SLC17A3: variants seen among roughly 807,000 people sequenced by gnomAD.
SLC17A3 encodes solute carrier family 17 member 3.
SLC17A3 carries 61 observed loss-of-function variants against 60.3 expected under a neutral mutation model. The observed-to-expected ratio is 1.01, with a 90% CI of 0.82 to 1.25. The LOEUF (loss-of-function observed/expected upper bound fraction) is 1.25. SLC17A3 is among the 50% of genes most tolerant of loss of function. The pLI, the probability that SLC17A3 is intolerant of heterozygous loss-of-function variation, is 0.00. For synonymous variants in SLC17A3, 192 were observed against 208.9 expected (o/e 0.92, Z 0.70); for missense variants, 624 against 594.9 (o/e 1.05, Z -0.51).
chr6:25,867,833 C>G (rs931644518), intron 2 of SLC17A3, among the ~76,000 whole-genome samples: 2 of 151,758 alleles, frequency 1.3e-5, no homozygotes, highest in African/African-American at 2.4e-5. Flanking sequence ...AAATATACAA[C>G]ACAATACATA....
intron 1 of SLC17A3, among the ~76,000 whole-genome samples, chr6:25,873,957 A>G (rs1561862813): frequency 6.6e-6 from 1 of 152,122 alleles, no homozygotes; most frequent in Non-Finnish European, 1.5e-5. Flanking sequence ...AGCTAGTTTC[A>G]AAGCATATGG....
At chr6:25,857,327 T>C (rs1334017836) in intron 5 of SLC17A3, among the ~76,000 whole-genome samples, 2 of 152,208 alleles carry the variant, frequency 1.3e-5, no homozygotes, top group Non-Finnish European at 2.9e-5. Flanking sequence ...TCTTTTTATC[T>C]TTGTTTCTTT....
chr6:25,852,180 A>C (rs893178884), intron 6 of SLC17A3, among the ~76,000 whole-genome samples: 3 of 151,846 alleles, frequency 2.0e-5, no homozygotes, highest in Non-Finnish European at 4.4e-5. Context: ...TCTCTCTTGC[A>C]CTGCTTCTAA....
chr6:25,845,247 T>C lies in SLC17A3; in HGVS notation c.*54A>G. On this transcript the variant is annotated 3_prime_UTR_variant, in exon 13 of 13. Coordinates refer to ENST00000397060, the MANE Select transcript of SLC17A3 (RefSeq NM_001098486.2). ...ACTGGTATTTTCATCACGGAAGCCT[T>C]CTATTTTATGCAATACGGTGCCTAA... 2.0e-6 allele frequency: 2 copies of C among 1,017,434 alleles called. No homozygotes were observed. Among genetic ancestry groups the C allele is most frequent in the Non-Finnish European group, 3.0e-6 (2 of 673,504 alleles). 63.0% of individuals were successfully genotyped at this position (1,017,434 alleles called of 1,614,324 possible). A position where few individuals can be genotyped will look rare whatever the true frequency, so the allele number is the denominator to read the frequency against.
At chr6:25,847,568 G>C (rs1461206066) in intron 11 of SLC17A3, among the ~76,000 whole-genome samples, 1 of 152,020 alleles carries the variant, frequency 6.6e-6, no homozygotes, top group African/African-American at 2.4e-5. Flanking sequence ...AACCTCTCCA[G>C]CATTTGTTAT....
chr6:25,852,786 T>C (rs1253585032), intron 6 of SLC17A3, among the ~76,000 whole-genome samples: 1 of 152,216 alleles, frequency 6.6e-6, no homozygotes, highest in Non-Finnish European at 1.5e-5. Flanking sequence ...CTCTGTCAGC[T>C]CTGGGTTAGT....
At chr6:25,873,199 T>C (rs544237512) in intron 1 of SLC17A3, among the ~76,000 whole-genome samples, 1 of 152,232 alleles carries the variant, frequency 6.6e-6, no homozygotes, top group South Asian at 2.1e-4. Flanking sequence ...CATTATCTTC[T>C]CTTAAATGTG....
At chr6:25,850,275 A>G in intron 8 of SLC17A3, 98 bp from the exon 9 acceptor site, 1 of 1,435,554 alleles carries the variant, frequency 7.0e-7, no homozygotes, top group Non-Finnish European at 9.6e-7. Context: ...TTCTGAAATC[A>G]TACTTTCTTA....
At chr6:25,858,597 T>C (rs751714933) in intron 5 of SLC17A3, among the ~76,000 whole-genome samples, 77 of 152,294 alleles carry the variant, frequency 5.1e-4, no homozygotes, top group Non-Finnish European at 2.9e-4. Flanking sequence ...AGCTATTCCC[T>C]TGATTTTCTC....
At chr6:25,871,978 C>T (rs571327445) in intron 1 of SLC17A3, among the ~76,000 whole-genome samples, 11 of 152,016 alleles carry the variant, frequency 7.2e-5, no homozygotes, top group African/African-American at 2.7e-4. Context: ...GAATAGTGCA[C>T]AGTAGGGCAA....
chr6:25,850,421 T>C (rs1354375185), intron 8 of SLC17A3, 38 bp downstream of exon 8: 1 of 1,603,316 alleles, frequency 6.2e-7, no homozygotes, highest in Non-Finnish European at 8.5e-7. Context: ...TGGTCAGCCA[T>C]GCAAGCAGGA....
At chr6:25,856,287 A>G (rs1005310924) in intron 5 of SLC17A3, among the ~76,000 whole-genome samples, 6 of 152,008 alleles carry the variant, frequency 3.9e-5, no homozygotes, top group Non-Finnish European at 8.8e-5. Context: ...CTGGAGATTT[A>G]TTACAATGGT....
intron 5 of SLC17A3, among the ~76,000 whole-genome samples, chr6:25,856,931 C>G (rs1199126332): frequency 6.6e-6 from 1 of 151,588 alleles, no homozygotes; most frequent in Admixed American, 6.6e-5. Flanking sequence ...TGCCTGTAAT[C>G]CCAGCACTTT....
chr6:25,868,238 C>A (rs367626189), intron 2 of SLC17A3, 59 bp downstream of exon 2: 1 of 1,190,956 alleles, frequency 8.4e-7, no homozygotes, highest in Non-Finnish European at 1.3e-6. Flanking sequence ...TATAGTAATA[C>A]GTTGACAAAA....
chr6:25,852,001 A>G (rs983266705), intron 6 of SLC17A3, among the ~76,000 whole-genome samples: 2 of 151,812 alleles, frequency 1.3e-5, no homozygotes, highest in Non-Finnish European at 2.9e-5. Flanking sequence ...TTTAATTGAC[A>G]TTTCTTATTA....
At chr6:25,861,366 A>G (rs1283971099) in intron 5 of SLC17A3, among the ~76,000 whole-genome samples, 1 of 152,186 alleles carries the variant, frequency 6.6e-6, no homozygotes, top group Non-Finnish European at 1.5e-5. Context: ...TCCAGATGCC[A>G]TGAAAATGAT....
At chr6:25,872,408 T>G (rs1765659258) in intron 1 of SLC17A3, among the ~76,000 whole-genome samples, 3 of 151,166 alleles carry the variant, frequency 2.0e-5, no homozygotes, top group Non-Finnish European at 2.9e-5. Flanking sequence ...CTTAAGAAAT[T>G]TATCAAACAA....
intron 5 of SLC17A3, among the ~76,000 whole-genome samples, chr6:25,860,153 T>C (rs1765423705): frequency 6.6e-6 from 1 of 152,320 alleles, no homozygotes; most frequent in Non-Finnish European, 1.5e-5. Flanking sequence ...GGTGTTTGGG[T>C]TAATTTTTCT....
chr6:25,847,218 T>G (rs1765189221), intron 11 of SLC17A3, among the ~76,000 whole-genome samples: 1 of 152,204 alleles, frequency 6.6e-6, no homozygotes, highest in African/African-American at 2.4e-5. Flanking sequence ...GATAATGGCC[T>G]CCAGCACCAT....
Sources: allele counts gnomAD v4.1 joint callset (sites outside exome capture counted in the v4.1 genomes callset), GRCh38; gene constraint gnomAD v4.1.1; transcripts MANE v1.5; gene names NCBI Gene and HGNC (gene_info 2026-07-23, HGNC 2026-07-21).